CIC: variants seen among roughly 807,000 people sequenced by gnomAD.
The protein encoded by CIC is capicua transcriptional repressor, also known as protein capicua homolog.
Under a neutral mutation model 115.7 loss-of-function variants are expected in CIC, and 18 were observed. The ratio of observed to expected loss-of-function variants is 0.16; its 90% CI spans 0.11 to 0.23. The LOEUF (loss-of-function observed/expected upper bound fraction) is 0.23. Ranked by LOEUF, CIC falls within the 10% of genes least tolerant of loss-of-function variation. CIC has a pLI of 1.00. For synonymous variants in CIC, 1,076 were observed against 923.0 expected, an observed-to-expected ratio of 1.17 and a Z score of -3.01; for missense variants, 2,000 against 2,159.3, an observed-to-expected ratio of 0.93 and a Z score of 1.46.
chr19:42,295,276 G>C lies in CIC; in HGVS notation c.*85G>C. ...GGGGCAGGAAGGTTATCTCCTCCCG[G>C]GTAAAGCCATTTCGTCCTCTCCAGT... On this transcript the variant is annotated 3_prime_UTR_variant, in exon 21 of 21. Coordinates refer to ENST00000681038, the MANE Select transcript of CIC (RefSeq NM_001386298.1). The C allele has an allele frequency of 2.4e-6, 3 of 1,243,952 alleles. No homozygotes were observed. The highest frequency in any genetic ancestry group is 3.4e-6 in the Non-Finnish European group (3 of 890,546). The allele number at this position is 1,243,952 out of a possible 1,614,324, so 77.1% of individuals were successfully genotyped here. A position where few individuals can be genotyped will look rare whatever the true frequency, so the allele number is the denominator to read the frequency against.
In CIC at chr19:42,295,331, T is replaced by G. The variant is rs2038442115; in HGVS notation, c.*140T>G. The G allele has an allele frequency of 1.4e-6, 1 of 727,206 alleles. No homozygotes were observed. Among genetic ancestry groups the G allele is most frequent in the Non-Finnish European group, 2.2e-6 (1 of 449,712 alleles). 45.0% of individuals were successfully genotyped at this position (727,206 alleles called of 1,614,324 possible). On this transcript the variant is annotated 3_prime_UTR_variant, in exon 21 of 21. Coordinates refer to ENST00000681038, the MANE Select transcript of CIC (RefSeq NM_001386298.1). ...GGCGGAATGAGGCCTGCTCCTCTTG[T>G]AAATACCCCCTTCCCTCGAAGCTCC...
intron 1 of CIC, among the ~76,000 whole-genome samples, chr19:42,271,310 G>C (rs1455397802): frequency 6.6e-6 from 1 of 152,224 alleles, no homozygotes; most frequent in African/African-American, 2.4e-5. Context: ...TTCCCACCTG[G>C]ATGATCTTGG....
rs945326030 is a variant in CIC at position 42,280,738 on chromosome 19, G to A, written c.2795-6033G>A. On this transcript the variant is annotated intron_variant, in intron 2 of 20. Coordinates refer to ENST00000681038, the MANE Select transcript of CIC (RefSeq NM_001386298.1). This position sits in a 1 kb window ranked among gnomAD's most constrained non-coding sequence, Gnocchi z 4.9. ...CCGGGGGTTGGCTGGGGGCCAGGCG[G>A]CGAGTGGAAAATCTCGTGAGCGCGG... Among the ~76,000 whole-genome samples the A allele has an allele frequency of 2.0e-5, 3 of 152,094 alleles. No homozygotes were observed. Among genetic ancestry groups the A allele is most frequent in the African/African-American group, 2.4e-5 (1 of 41,416 alleles).
chr19:42,290,073 G>T (rs530513962), intron 10 of CIC, 122 bp downstream of exon 10: 1 of 1,373,196 alleles, frequency 7.3e-7, no homozygotes, highest in Non-Finnish European at 1.0e-6. Flanking sequence ...TGCTTGCCCC[G>T]TGGGGAGTTG....
chr19:42,284,019 G>T (rs934127405), intron 2 of CIC: 2 of 149,512 alleles, frequency 1.3e-5, no homozygotes, highest in East Asian at 3.9e-4. Flanking sequence ...GGGAAGGGGC[G>T]GGGGGAGGCG....
In CIC at chr19:42,290,317, C is replaced by T; in HGVS notation, c.4276C>T (p.Pro1426Ser). 3.1e-6 allele frequency: 5 copies of T among 1,613,922 alleles called. No individual in the cohort carries two copies. Among genetic ancestry groups the T allele is most frequent in the Non-Finnish European group, 4.2e-6 (5 of 1,179,852 alleles). The part of the protein sequence containing the change: ...RPPLDPEPPG[P>S]PDPPVAFGKG... ...CCCACTGGACCCTGAGCCCCCAGGGCCCCCGGATCCTCCTGTAGCCTTTGG... is the reference window on the plus strand; with the variant it reads ...CCCACTGGACCCTGAGCCCCCAGGGTCCCCGGATCCTCCTGTAGCCTTTGG... Residue 1426 changes from proline to serine, a missense_variant, in exon 11 of 21, where the codon CCC becomes TCC. Pro to Ser is a moderately conservative substitution (Grantham distance 74). This residue lies in a region of CIC where 1,466 missense variants were observed against 1,390.4 expected (regional missense o/e 1.05). Transcript: ENST00000681038.
chr19:42,290,764 C>G lies in CIC; in HGVS notation c.4723C>G (p.Arg1575Gly). The change falls in exon 11 of 21, where the codon CGT (arginine) becomes GGT (glycine). Residue 1575 changes from arginine to glycine, a missense_variant. Transcript: ENST00000681038. ...AYGAPAAPLS[R>G]PAATMVTNVV... The stretch of plus-strand genomic sequence containing the variant: ...TGGGGCCCCAGCAGCTCCCCTGTCC[C>G]GTCCTGCCGCCACCATGGTCACCAA... 6.2e-7 allele frequency: 1 copy of G among 1,611,978 alleles called. No individual in the cohort carries two copies. Among genetic ancestry groups the G allele is most frequent in the Non-Finnish European group, 8.5e-7 (1 of 1,179,540 alleles).
chr19:42,293,041 C>T lies in CIC; in HGVS notation c.6282C>T (p.Ala2094=), dbSNP rs2147318876. 2 of 1,613,020 alleles carry T rather than the reference C, an allele frequency of 1.2e-6. No homozygotes were observed. Among genetic ancestry groups the T allele is most frequent in the Non-Finnish European group, 1.7e-6 (2 of 1,179,878 alleles). ...CCCAGAAAGTGAAGGCAGCCATCGC[C>T]AGCATTCCCGTGGGGTCCTTTGAGG... ...KAPQKVKAAI[A]SIPVGSFEAG... The change falls in exon 16 of 21, where the codon GCC becomes GCT. Residue 2094 remains alanine (A), a synonymous_variant. Coordinates refer to ENST00000681038, the MANE Select transcript of CIC (RefSeq NM_001386298.1).
intron 10 of CIC, 38 bp from the exon 11 acceptor site, chr19:42,290,195 G>C: frequency 1.2e-6 from 2 of 1,613,668 alleles, no homozygotes; most frequent in East Asian, 4.5e-5. Context: ...AGGTGTCGGA[G>C]TGTCCTGACC....
chr19:42,291,658 G>A lies in CIC; in HGVS notation c.5526G>A (p.Val1842=), dbSNP rs2147280940. 6.2e-7 allele frequency: 1 copy of A among 1,613,024 alleles called. No homozygotes were observed. The highest frequency in any genetic ancestry group is 8.5e-7 in the Non-Finnish European group (1 of 1,180,002). Residue 1842 remains valine, a synonymous_variant, in exon 12 of 21, where the codon GTG becomes GTA. Coordinates refer to ENST00000681038, the MANE Select transcript of CIC (RefSeq NM_001386298.1). ...LVPLAAPSMS[V]RGGGAGQPLP... ...CTCTGGCCGCCCCTAGCATGTCAGT[G>A]CGGGGTGGAGGGGCCGGCCAGCCAC...
rs560182448 is a variant in CIC, at chr19:42,293,815, A to C, written c.6746A>C (p.Lys2249Thr). 6.2e-7 allele frequency: 1 copy of C among 1,612,498 alleles called. No homozygotes were observed. Among genetic ancestry groups the C allele is most frequent in the Non-Finnish European group, 8.5e-7 (1 of 1,179,378 alleles). ...AAGGTGCGGCCCCCGCCCCTGAAGA[A>C]GACCTTTGACTCTGTGGACAAGTGA... Reference protein sequence around the residue: ...KVKVRPPPLKKTFDSVDNRVL... With the variant: ...KVKVRPPPLKTTFDSVDNRVL... The change falls in exon 17 of 21, where the codon AAG becomes ACG. Residue 2249 changes from lysine (K) to threonine (T), a missense_variant. Transcript: ENST00000681038.
Position 42,287,234 on chromosome 19 carries a change from A to G in CIC, c.3173A>G (p.Asp1058Gly), listed in dbSNP as rs761505366. ...RLDSETESDH[D>G]DAFLSIMSPE... ...GACAGTGAGACAGAGAGTGACCATG[A>G]TGATGCGTGAGTTCCCTGAGGCCTG... is the stretch of plus-strand genomic sequence containing the variant. The change falls in exon 4 of 21, where the codon GAT (aspartate) becomes GGT (glycine). Residue 1058 changes from aspartate to glycine, a missense_variant. Transcript: ENST00000681038. This position sits in a 1 kb window ranked among gnomAD's most constrained non-coding sequence, Gnocchi z 8.7. 6.2e-7 allele frequency: 1 copy of G among 1,613,870 alleles called. No homozygotes were observed. The highest frequency in any genetic ancestry group is 8.5e-7 in the Non-Finnish European group (1 of 1,179,944).
rs951245986 is a variant in CIC, at chr19:42,290,381, C to T, written c.4340C>T (p.Ser1447Leu). The T allele has an allele frequency of 5.6e-6, 9 of 1,614,022 alleles. No individual in the cohort carries two copies. The highest frequency in any genetic ancestry group is 1.6e-4 in the Middle Eastern group (1 of 6,084). Residue 1447 changes from serine to leucine, a missense_variant, in exon 11 of 21, where the codon TCG (serine) becomes TTG (leucine). Physicochemically the swap from Ser to Leu is moderately radical, Grantham distance 145. Around this residue, in one of 8 missense-constraint regions of CIC, gnomAD observed 1,466 missense variants for 1,390.4 expected, o/e 1.05. Transcript: ENST00000681038. Reference sequence around the variant, plus strand: ...TCCGCCCCATCCTCCTCTGCGTCCTCGCCTGCTTCCTCCTCAGCCTCGGCA... The same window carrying T: ...TCCGCCCCATCCTCCTCTGCGTCCTTGCCTGCTTCCTCCTCAGCCTCGGCA... ...YGSAPSSSAS[S>L]PASSSASAAT...
rs182412276 is a variant in CIC at position 42,286,026 on chromosome 19, A to G, written c.2795-745A>G. On this transcript the variant is annotated intron_variant, in intron 2 of 20. Transcript: ENST00000681038. ...TACCACACCCTCCCCTGTTTTGGGC[A>G]AGGGGGCTGGACCCTGGACTACAGA... 4.0e-4 allele frequency among the ~76,000 whole-genome samples: 61 copies of G among 152,308 alleles called. 1 individual carries two copies. The highest frequency in any genetic ancestry group is 1.3e-3 in the African/African-American group (56 of 41,566).
In CIC at chr19:42,272,553, C is replaced by T. The variant is rs551483641; in HGVS notation, c.770C>T (p.Ala257Val). 63 of 398,446 alleles carry T rather than the reference C, an allele frequency of 1.6e-4. No individual in the cohort carries two copies. Among genetic ancestry groups the T allele is most frequent in the Non-Finnish European group, 2.0e-4 (46 of 226,028 alleles). 24.7% of individuals were successfully genotyped at this position (398,446 alleles called of 1,614,324 possible). ...PGAGVDVVLDATPPPGALVVG... is the reference protein window; with the variant it reads ...PGAGVDVVLDVTPPPGALVVG... Reference sequence around the variant, plus strand: ...GCTGGTGTGGATGTAGTTTTGGATGCCACACCCCCACCAGGTGCCCTGGTG... The same window carrying T: ...GCTGGTGTGGATGTAGTTTTGGATGTCACACCCCCACCAGGTGCCCTGGTG... Residue 257 changes from alanine to valine, a missense_variant, in exon 2 of 21, where the codon GCC becomes GTC. Transcript: ENST00000681038.
Position 42,280,359 on chromosome 19 carries a change from C to T in CIC, c.2794+5782C>T, listed in dbSNP as rs533622653. 6.6e-6 allele frequency among the ~76,000 whole-genome samples: 1 copy of T among 152,270 alleles called. No individual in the cohort carries two copies. The highest frequency in any genetic ancestry group is 1.9e-4 in the East Asian group (1 of 5,178). ...AAGTAGTCGGGGAAACCGGGTGCTC[C>T]GGGGGCTGTGTAGAAGCGGACTGGC... On this transcript the variant is annotated intron_variant, in intron 2 of 20. Transcript: ENST00000681038. This position sits in a 1 kb window ranked among gnomAD's most constrained non-coding sequence, Gnocchi z 4.9.
intron 2 of CIC, chr19:42,283,909 T>C (rs1007227575): frequency 1.3e-5 from 2 of 148,976 alleles, no homozygotes; most frequent in African/African-American, 4.9e-5. Context: ...GGGCGGCCAA[T>C]GGGGGCGGGC....
Position 42,293,271 on chromosome 19 carries a change from C to T in CIC, c.6512C>T (p.Pro2171Leu), listed in dbSNP as rs1284657479. The change falls in exon 16 of 21, where the codon CCT (proline) becomes CTT (leucine). Residue 2171 changes from proline (P) to leucine (L), a missense_variant. Transcript: ENST00000681038. ...GAGGAGCGGACCAGCGCCAAGGGCCCTGAGACCATGGTGAGCGCCTGCAGG... is the reference window on the plus strand; with the variant it reads ...GAGGAGCGGACCAGCGCCAAGGGCCTTGAGACCATGGTGAGCGCCTGCAGG... ...PAEERTSAKGPETMASKFPSS... is the reference protein window; with the variant it reads ...PAEERTSAKGLETMASKFPSS... 3.8e-6 allele frequency: 6 copies of T among 1,579,162 alleles called. No homozygotes were observed. The highest frequency in any genetic ancestry group is 1.2e-5 in the South Asian group (1 of 86,922).
intron 7 of CIC, 94 bp downstream of exon 7, chr19:42,288,069 CCT>C (rs1238896558): frequency 1.4e-6 from 2 of 1,397,280 alleles, no homozygotes; most frequent in Non-Finnish European, 2.0e-6. Flanking sequence ...CCCAGCAGCT[CCT>C]CTCTGCTCTA....
Sources: allele counts gnomAD v4.1 joint callset (sites outside exome capture counted in the v4.1 genomes callset), GRCh38; gene constraint gnomAD v4.1.1; regional missense constraint gnomAD v4.1.1; non-coding constraint Gnocchi (gnomAD v3.1); transcripts MANE v1.5; gene names NCBI Gene and HGNC (gene_info 2026-07-23, HGNC 2026-07-21).